RPS6KA2: variants seen among roughly 807,000 people sequenced by gnomAD.
RPS6KA2 encodes ribosomal protein S6 kinase alpha-2.
Under a neutral mutation model 91.8 loss-of-function variants are expected in RPS6KA2, and 42 were observed. The ratio of observed to expected loss-of-function variants is 0.46; its 90% CI spans 0.36 to 0.59. The LOEUF (loss-of-function observed/expected upper bound fraction) is 0.59. Ranked by LOEUF, RPS6KA2 falls within the 20% of genes least tolerant of loss-of-function variation. The pLI is 0.00. For missense variants in RPS6KA2, 798 were observed against 978.5 expected (o/e 0.82, Z 2.46); for synonymous variants, 414 against 393.6 (o/e 1.05, Z -0.61).
intron 2 of RPS6KA2, among the ~76,000 whole-genome samples, chr6:166,705,234 C>T (rs1040776119): frequency 6.6e-6 from 1 of 152,210 alleles, no homozygotes; most frequent in Non-Finnish European, 1.5e-5. Context: ...AAGAGCAAGG[C>T]GCCAGCTGGG....
intron 1 of RPS6KA2, among the ~76,000 whole-genome samples, chr6:166,558,149 G>GGAGAGA (rs71299768): frequency 6.7e-6 from 1 of 149,626 alleles, no homozygotes; most frequent in East Asian, 2.0e-4. Context: ...ATGTATGTGG[G>GGAGAGA]GAGAGAGAGA....
At chr6:166,832,325 G>T (rs1780208272) in intron 2 of RPS6KA2, among the ~76,000 whole-genome samples, 1 of 152,136 alleles carries the variant, frequency 6.6e-6, no homozygotes, top group Admixed American at 6.5e-5. Context: ...GAAGCTCCAG[G>T]CTCTCAGCAC....
At chr6:166,775,763 A>G (rs1778600092) in intron 2 of RPS6KA2, among the ~76,000 whole-genome samples, 1 of 152,244 alleles carries the variant, frequency 6.6e-6, no homozygotes, top group Non-Finnish European at 1.5e-5. Flanking sequence ...GGAAACACAC[A>G]CAGACACATG....
intron 2 of RPS6KA2, among the ~76,000 whole-genome samples, chr6:166,785,717 C>T (rs529220448): frequency 1.2e-4 from 19 of 152,284 alleles, no homozygotes; most frequent in South Asian, 4.2e-4. Context: ...AGTCCAAGCC[C>T]GTATTCTTAA....
At chr6:166,501,084 C>A (rs1583211983) in intron 6 of RPS6KA2, among the ~76,000 whole-genome samples, 160 bp from the exon 7 acceptor site, 1 of 152,158 alleles carries the variant, frequency 6.6e-6, no homozygotes, top group South Asian at 2.1e-4. Flanking sequence ...GTGCGGTGGG[C>A]CTTCCCATCC....
chr6:166,505,272 G>A (rs1782161770), intron 5 of RPS6KA2, among the ~76,000 whole-genome samples: 1 of 152,146 alleles, frequency 6.6e-6, no homozygotes, highest in South Asian at 2.1e-4. Flanking sequence ...ACAGCTCAGG[G>A]CTGGGAGGTG....
chr6:166,491,866 G>A (rs557846980), intron 8 of RPS6KA2, among the ~76,000 whole-genome samples: 2 of 152,152 alleles, frequency 1.3e-5, no homozygotes, highest in African/African-American at 4.8e-5. Context: ...ATAAGGTTTT[G>A]TATACTAACT....
In RPS6KA2 at chr6:166,411,220, T is replaced by A. The variant is rs1259712397; in HGVS notation, c.*1542A>T. 7.4e-6 allele frequency: 1 copy of A among 134,316 alleles called. No homozygotes were observed. Among genetic ancestry groups the A allele is most frequent in the African/African-American group, 3.5e-5 (1 of 28,934 alleles). 8.3% of individuals were successfully genotyped at this position (134,316 alleles called of 1,614,324 possible). On this transcript the variant is annotated 3_prime_UTR_variant, in exon 21 of 21. Coordinates refer to ENST00000265678, the MANE Select transcript of RPS6KA2 (RefSeq NM_021135.6). This position sits in a 1 kb window ranked among gnomAD's most constrained non-coding sequence, Gnocchi z 4.5. ...AGAACGCAGCACATTTTTTCTTTATTTTTTTTTTTTTAGTTGGGTACGAGA... is the reference window on the plus strand; with the variant it reads ...AGAACGCAGCACATTTTTTCTTTATATTTTTTTTTTTAGTTGGGTACGAGA...
Position 166,752,681 on chromosome 6 carries a change from A to C in RPS6KA2, c.123+105519T>G, listed in dbSNP as rs961141465. On this transcript the variant is annotated intron_variant, in intron 2 of 21. Transcript: ENST00000503859. ...AAGAAAGACTGAGACTAACAGAGTT[A>C]ATTGATTTCTCCCAAGGAAAAGCAC... Among the ~76,000 whole-genome samples the C allele has an allele frequency of 3.9e-5, 6 of 152,226 alleles. No homozygotes were observed. In the East Asian group the frequency reaches 9.6e-4, roughly 24 times the overall value.
At chr6:166,517,661 G>C (rs912569894) in intron 3 of RPS6KA2, among the ~76,000 whole-genome samples, 5 of 150,910 alleles carry the variant, frequency 3.3e-5, no homozygotes, top group African/African-American at 1.2e-4. Context: ...ATTTTTAGTA[G>C]AGACGGGGTT....
At chr6:166,660,300 T>TTGTGTGTGTGCATG (rs1554244338) in intron 2 of RPS6KA2, among the ~76,000 whole-genome samples, 3 of 150,396 alleles carry the variant, frequency 2.0e-5, no homozygotes, top group Non-Finnish European at 3.0e-5. Flanking sequence ...CTGTATCTCA[T>TTGTGTGTGTGCATG]TGTGTGTGTG....
At chr6:166,719,687 C>G (rs1790116859) in intron 2 of RPS6KA2, among the ~76,000 whole-genome samples, 1 of 152,224 alleles carries the variant, frequency 6.6e-6, no homozygotes, top group Non-Finnish European at 1.5e-5. Flanking sequence ...CAACTCTACT[C>G]ACTTATCATT....
At chr6:166,820,963 T>G (rs1779892287) in intron 2 of RPS6KA2, among the ~76,000 whole-genome samples, 1 of 152,196 alleles carries the variant, frequency 6.6e-6, no homozygotes, top group South Asian at 2.1e-4. Flanking sequence ...AACAAGTATC[T>G]CTCACAGATG....
At chr6:166,484,743 C>G (rs977729358) in intron 10 of RPS6KA2, among the ~76,000 whole-genome samples, 2 of 152,236 alleles carry the variant, frequency 1.3e-5, no homozygotes, top group African/African-American at 4.8e-5. Context: ...CATCCACCAC[C>G]ACGTGGTGTG....
At position 166,469,380 on chromosome 6, in the gene RPS6KA2, C is replaced by T. The variant is rs149098201; in HGVS notation, c.972+461G>A. ...TCCACGTGGGCATCAGCTTGACTAACGATGGAAAATGCAGTATCGAATCTG... is the reference window on the plus strand; with the variant it reads ...TCCACGTGGGCATCAGCTTGACTAATGATGGAAAATGCAGTATCGAATCTG... On this transcript the variant is annotated intron_variant, in intron 11 of 20. Coordinates refer to ENST00000265678, the MANE Select transcript of RPS6KA2 (RefSeq NM_021135.6). Among the ~76,000 whole-genome samples, 231 of 145,872 alleles carry T rather than the reference C, an allele frequency of 1.6e-3. 1 individual carries two copies. Among genetic ancestry groups the T allele is most frequent in the African/African-American group, 5.7e-3 (221 of 39,044 alleles).
chr6:166,831,388 T>C (rs1309603441), intron 2 of RPS6KA2, among the ~76,000 whole-genome samples: 1 of 152,096 alleles, frequency 6.6e-6, no homozygotes, highest in Non-Finnish European at 1.5e-5. Context: ...CTTCTCTACT[T>C]CAACTTGAAT....
chr6:166,731,802 T>C (rs1006338407), intron 2 of RPS6KA2, among the ~76,000 whole-genome samples: 16 of 152,076 alleles, frequency 1.1e-4, no homozygotes, highest in African/African-American at 3.6e-4. Context: ...ACCACCTAGA[T>C]AGAAGTGGTG....
In RPS6KA2 at chr6:166,418,337, G is replaced by A; in HGVS notation, c.1826C>T (p.Thr609Ile). The A allele has an allele frequency of 6.2e-7, 1 of 1,609,672 alleles. No individual in the cohort carries two copies. The highest frequency in any genetic ancestry group is 8.5e-7 in the Non-Finnish European group (1 of 1,177,564). The part of the protein sequence containing the change: ...ILLYTMLAGF[T>I]PFANGPDDTP... Reference sequence around the variant, plus strand: ...ATCGTCTGGCCCATTTGCAAAAGGGGTAAATCTGTATAATTAGACAAATTT... The same window carrying A: ...ATCGTCTGGCCCATTTGCAAAAGGGATAAATCTGTATAATTAGACAAATTT... The change falls in exon 19 of 21, where the codon ACC becomes ATC. Residue 609 changes from threonine to isoleucine, a missense_variant. Transcript: ENST00000265678. This position sits in a 1 kb window ranked among gnomAD's most constrained non-coding sequence, Gnocchi z 4.9.
intron 1 of RPS6KA2, among the ~76,000 whole-genome samples, chr6:166,617,675 G>A (rs953350190): frequency 2.0e-5 from 3 of 152,182 alleles, no homozygotes; most frequent in Non-Finnish European, 4.4e-5. Context: ...ATTTAGGCAC[G>A]TAGTGAATAG....
Sources: gnomAD v4.1 joint callset for allele counts (sites outside exome capture counted in the v4.1 genomes callset) on GRCh38, gnomAD v4.1.1 for gene constraint, Gnocchi (gnomAD v3.1) non-coding constraint, MANE v1.5 for transcripts, NCBI Gene and HGNC (gene_info 2026-07-23, HGNC 2026-07-21) for gene names.